The following RAD51B variants were observed in gnomAD, a reference collection of about 807,000 sequenced individuals.
RAD51B encodes the protein RAD51 paralog B.
Under a neutral mutation model 42.2 loss-of-function variants are expected in RAD51B, and 38 were observed. That is an observed-to-expected ratio of 0.90 (90% CI 0.70 to 1.18). The LOEUF (loss-of-function observed/expected upper bound fraction) is 1.18. RAD51B is among the 50% of genes most tolerant of loss of function. RAD51B has a pLI of 0.00. For synonymous variants in RAD51B, 154 were observed against 145.2 expected (o/e 1.06, Z -0.43); for missense variants, 373 against 400.7 (o/e 0.93, Z 0.59).
chr14:68,424,374 GT>G (rs2084782555), intron 9 of RAD51B, among the ~76,000 whole-genome samples: 1 of 152,080 alleles, frequency 6.6e-6, no homozygotes, highest in Non-Finnish European at 1.5e-5. Context: ...ACTATGTTTT[GT>G]TTTTGGTTTT....
chr14:67,976,439 TG>T (rs1373780527), intron 7 of RAD51B, among the ~76,000 whole-genome samples: 2 of 151,478 alleles, frequency 1.3e-5, no homozygotes, highest in African/African-American at 4.8e-5. Flanking sequence ...TTTTGTTTTT[TG>T]TTTTTTAATT....
chr14:67,957,139 C>G (rs1350836146), intron 7 of RAD51B, among the ~76,000 whole-genome samples: 7 of 152,114 alleles, frequency 4.6e-5, no homozygotes, highest in Non-Finnish European at 1.0e-4. Flanking sequence ...AGGAGAGATA[C>G]AAGAGGATGT....
intron 7 of RAD51B, among the ~76,000 whole-genome samples, chr14:68,001,328 T>C (rs1478913007): frequency 1.3e-5 from 2 of 152,122 alleles, no homozygotes; most frequent in African/African-American, 2.4e-5. Flanking sequence ...TTCTTATTCC[T>C]GATTTCCGGA....
intron 7 of RAD51B, among the ~76,000 whole-genome samples, chr14:68,025,579 A>C (rs2075941983): frequency 7.0e-6 from 1 of 143,414 alleles, no homozygotes; most frequent in African/African-American, 2.6e-5. Context: ...TCAGGGTTTC[A>C]GTCTCTTCCT....
intron 7 of RAD51B, among the ~76,000 whole-genome samples, chr14:68,290,837 T>C (rs1051481629): frequency 6.6e-6 from 1 of 151,974 alleles, no homozygotes; most frequent in Non-Finnish European, 1.5e-5. Flanking sequence ...ACAGAGTTTC[T>C]CTCTTGTTGC....
intron 5 of RAD51B, among the ~76,000 whole-genome samples, chr14:67,875,730 A>G (rs1355522495): frequency 6.6e-6 from 1 of 152,098 alleles, no homozygotes; most frequent in African/African-American, 2.4e-5. Flanking sequence ...ACATATCCCC[A>G]TTATTATGCG....
At chr14:67,954,449 T>G (rs1303754967) in intron 7 of RAD51B, among the ~76,000 whole-genome samples, 4 of 152,184 alleles carry the variant, frequency 2.6e-5, no homozygotes, top group Non-Finnish European at 4.4e-5. Context: ...AACCAAGAGA[T>G]GAAAGAATTT....
At chr14:68,421,413 C>T (rs2084695995) in intron 9 of RAD51B, among the ~76,000 whole-genome samples, 1 of 152,076 alleles carries the variant, frequency 6.6e-6, no homozygotes, top group Non-Finnish European at 1.5e-5. Flanking sequence ...CATTTCAAGT[C>T]CTTTCTTGAT....
intron 7 of RAD51B, among the ~76,000 whole-genome samples, chr14:68,082,452 T>C (rs1186547972): frequency 6.6e-6 from 1 of 150,386 alleles, no homozygotes; most frequent in Non-Finnish European, 1.5e-5. Flanking sequence ...TCCATAAATA[T>C]TTGATATGCA....
chr14:68,485,177 C>G (rs1311122086), intron 10 of RAD51B, among the ~76,000 whole-genome samples: 1 of 152,192 alleles, frequency 6.6e-6, no homozygotes, highest in South Asian at 2.1e-4. Flanking sequence ...GCTTTACACC[C>G]TCTAACTGGA....
At chr14:67,919,466 C>T (rs536179481) in intron 7 of RAD51B, among the ~76,000 whole-genome samples, 87 of 152,254 alleles carry the variant, frequency 5.7e-4, no homozygotes, top group Non-Finnish European at 1.1e-3. Flanking sequence ...ATCTCAGAGA[C>T]GGCGCCAGAG....
chr14:68,642,495 C>T (rs1892482722), intron 10 of RAD51B, among the ~76,000 whole-genome samples: 1 of 151,960 alleles, frequency 6.6e-6, no homozygotes. Flanking sequence ...AGATATTAGT[C>T]CTCTCTCTTT....
At position 67,874,308 on chromosome 14, in the gene RAD51B, AT is replaced by A. The variant is rs763065011; in HGVS notation, c.452+9173del. On this transcript the variant is annotated intron_variant, in intron 5 of 10. Coordinates refer to ENST00000471583, the MANE Select transcript of RAD51B (RefSeq NM_133510.4). ...AATTGTATCTCCAGACTATTTAACA[AT>A]TTTAACAGGTTTGTTGAACCCACAG... Among the ~76,000 whole-genome samples, 122 of 152,202 alleles carry A rather than the reference AT, an allele frequency of 8.0e-4. 2 individuals are homozygous for A. Among genetic ancestry groups the A allele is most frequent in the Admixed American group, 2.3e-3 (35 of 15,278 alleles).
intron 8 of RAD51B, among the ~76,000 whole-genome samples, chr14:68,307,212 G>C (rs1250427944): frequency 6.6e-6 from 1 of 152,128 alleles, no homozygotes; most frequent in Non-Finnish European, 1.5e-5. Flanking sequence ...GTGGCTCAAG[G>C]AAATAAAGTG....
At chr14:68,155,025 C>T (rs2078470681) in intron 7 of RAD51B, among the ~76,000 whole-genome samples, 2 of 152,000 alleles carry the variant, frequency 1.3e-5, no homozygotes, top group Admixed American at 1.3e-4. Context: ...TAAACATTTG[C>T]ATAACACAAT....
At chr14:68,012,598 T>TTA (rs894214542) in intron 7 of RAD51B, among the ~76,000 whole-genome samples, 50 of 152,128 alleles carry the variant, frequency 3.3e-4, no homozygotes, top group African/African-American at 1.2e-3. Flanking sequence ...CAGGATGAAA[T>TTA]TATAGTCTTA....
intron 10 of RAD51B, among the ~76,000 whole-genome samples, chr14:68,520,601 A>G (rs1374311068): frequency 6.6e-6 from 1 of 152,092 alleles, no homozygotes; most frequent in Non-Finnish European, 1.5e-5. Context: ...ATATGAGCTC[A>G]TATGTATTTT....
chr14:68,608,563 C>T (rs1335034047), intron 10 of RAD51B, among the ~76,000 whole-genome samples: 1 of 152,210 alleles, frequency 6.6e-6, no homozygotes, highest in Admixed American at 6.5e-5. Flanking sequence ...CTGCAGGTAG[C>T]TGGCGGCTGC....
At chr14:67,934,237 A>G (rs564787889) in intron 7 of RAD51B, among the ~76,000 whole-genome samples, 2 of 152,298 alleles carry the variant, frequency 1.3e-5, no homozygotes, top group South Asian at 4.1e-4. Context: ...CTTGTGGCCT[A>G]CTTAGCAAAG....
Sources: allele counts gnomAD v4.1 joint callset (sites outside exome capture counted in the v4.1 genomes callset), GRCh38; gene constraint gnomAD v4.1.1; transcripts MANE v1.5; gene names NCBI Gene and HGNC (gene_info 2026-07-23, HGNC 2026-07-21).